SOS1: variants seen among roughly 807,000 people sequenced by gnomAD.
SOS1 encodes SOS Ras/Rac guanine nucleotide exchange factor 1, also known as son of sevenless homolog 1.
A neutral mutation model predicts 157.6 loss-of-function variants in SOS1; 25 were observed. The observed-to-expected ratio is 0.16, with a 90% confidence interval of 0.12 to 0.22. The LOEUF is 0.22. Among genes scored for constraint, SOS1 ranks in the 10% least tolerant of loss-of-function variants. The pLI is 1.00. For synonymous variants in SOS1, 528 were observed against 534.0 expected (o/e 0.99, Z 0.16); for missense variants, 1,237 against 1,599.1 (o/e 0.77, Z 3.86).
intron 10 of SOS1, among the ~76,000 whole-genome samples, chr2:39,015,675 C>A (rs574138981): frequency 3.3e-5 from 5 of 151,904 alleles, no homozygotes; most frequent in Admixed American, 2.6e-4. Context: ...GCTGCTCTCA[C>A]CAGCACAAGA....
intron 1 of SOS1, among the ~76,000 whole-genome samples, chr2:39,073,287 G>A (rs1671849980): frequency 6.6e-6 from 1 of 152,174 alleles, no homozygotes; most frequent in South Asian, 2.1e-4. Context: ...ACTAAACTAT[G>A]TGGGTTTTCC....
chr2:38,991,350 A>C (rs1417804019), intron 20 of SOS1, among the ~76,000 whole-genome samples: 3 of 152,236 alleles, frequency 2.0e-5, no homozygotes, highest in Non-Finnish European at 4.4e-5. Flanking sequence ...TTGCGTTATC[A>C]GCTTGACATA....
intron 6 of SOS1, among the ~76,000 whole-genome samples, chr2:39,042,497 G>A (rs1670605501): frequency 2.0e-5 from 3 of 152,014 alleles, no homozygotes; most frequent in African/African-American, 7.2e-5. Flanking sequence ...TCCGCCTCCT[G>A]GGTTCAAGTG....
intron 1 of SOS1, among the ~76,000 whole-genome samples, chr2:39,083,547 T>G (rs926008282): frequency 6.6e-6 from 1 of 152,128 alleles, no homozygotes; most frequent in Non-Finnish European, 1.5e-5. Context: ...TATAAGCAGT[T>G]GAGGAGTAGA....
chr2:38,987,291 A>G (rs1668585783), intron 22 of SOS1, among the ~76,000 whole-genome samples, 182 bp downstream of exon 22: 1 of 152,182 alleles, frequency 6.6e-6, no homozygotes, highest in Admixed American at 6.5e-5. Context: ...CATACCAAAA[A>G]ACTACCTTCA....
chr2:39,061,048 C>T (rs1671383378), intron 2 of SOS1, among the ~76,000 whole-genome samples: 1 of 151,680 alleles, frequency 6.6e-6, no homozygotes, highest in Admixed American at 6.6e-5. Flanking sequence ...ATTATGTCTA[C>T]CTCATTCCAG....
At chr2:39,101,265 G>C (rs920111066) in intron 1 of SOS1, among the ~76,000 whole-genome samples, 2 of 152,078 alleles carry the variant, frequency 1.3e-5, no homozygotes, top group Non-Finnish European at 2.9e-5. Context: ...CTGGGACAAG[G>C]ATGGTACCAA....
chr2:39,078,068 T>C (rs1301449275), intron 1 of SOS1, among the ~76,000 whole-genome samples: 1 of 152,176 alleles, frequency 6.6e-6, no homozygotes, highest in East Asian at 1.9e-4. Context: ...AACAAAGTTT[T>C]AATAAAAACA....
chr2:38,998,475 T>C (rs183671548), intron 17 of SOS1, among the ~76,000 whole-genome samples: 1 of 152,280 alleles, frequency 6.6e-6, no homozygotes, highest in East Asian at 1.9e-4. Flanking sequence ...GGTCTCAAAC[T>C]CCTGACCTCA....
At chr2:39,034,125 T>C (rs1268763240) in intron 8 of SOS1, among the ~76,000 whole-genome samples, 1 of 152,250 alleles carries the variant, frequency 6.6e-6, no homozygotes, top group African/African-American at 2.4e-5. Flanking sequence ...GGTATGCTAT[T>C]GCTAAGAGCT....
At chr2:39,043,796 A>G (rs1670659142) in intron 6 of SOS1, among the ~76,000 whole-genome samples, 1 of 152,126 alleles carries the variant, frequency 6.6e-6, no homozygotes, top group Admixed American at 6.5e-5. Flanking sequence ...TGATGACCTT[A>G]TCTAATCCTA....
At chr2:39,092,425 T>A (rs1269290792) in intron 1 of SOS1, among the ~76,000 whole-genome samples, 1 of 152,240 alleles carries the variant, frequency 6.6e-6, no homozygotes, top group Non-Finnish European at 1.5e-5. Context: ...TTCTCAAATG[T>A]CACCTCCTCA....
Position 39,062,196 on chromosome 2 carries a change from C to A in SOS1, c.214-3392G>T, listed in dbSNP as rs909375616. On this transcript the variant is annotated intron_variant, in intron 2 of 22. Coordinates refer to ENST00000402219, the MANE Select transcript of SOS1 (RefSeq NM_005633.4). ...ACTTTGGGAGGCGGAGGTGGGCGGA[C>A]TGCTTGAGGTCAGGAGTTCAAGACC... Among the ~76,000 whole-genome samples, 5 of 151,416 alleles carry A rather than the reference C, an allele frequency of 3.3e-5. 1 individual carries two copies. In the East Asian group the frequency reaches 9.7e-4, roughly 29 times the overall value.
chr2:39,012,094 T>A, intron 14 of SOS1, 32 bp downstream of exon 14: 1 of 1,458,280 alleles, frequency 6.9e-7, no homozygotes, highest in East Asian at 2.3e-5. Flanking sequence ...TCTTTTGAAA[T>A]GACTTTTCAA....
rs776522054 is a variant in SOS1 at position 38,982,370 on chromosome 2, AAGTT to A, written c.*3450_*3453del. The A allele has an allele frequency of 5.3e-5, 8 of 152,206 alleles. No individual in the cohort carries two copies. Among genetic ancestry groups the A allele is most frequent in the Non-Finnish European group, 8.8e-5 (6 of 68,022 alleles). The allele number at this position is 152,206 out of a possible 1,614,324, so 9.4% of individuals were successfully genotyped here. On this transcript the variant is annotated 3_prime_UTR_variant, in exon 23 of 23. Transcript: ENST00000402219. ...ATAAGGGATTATGAAATAATCTTAAAAGTTAGTAATGAGATGTTTCAAAGAAGAA... is the reference window on the plus strand; with the variant it reads ...ATAAGGGATTATGAAATAATCTTAAAAGTAATGAGATGTTTCAAAGAAGAA...
chr2:39,113,617 C>G (rs1367849043), intron 1 of SOS1, among the ~76,000 whole-genome samples: 1 of 152,060 alleles, frequency 6.6e-6, no homozygotes, highest in Non-Finnish European at 1.5e-5. Context: ...ACTTTCCAAA[C>G]CTTGATTTTC....
rs193024241 is a variant in SOS1 at position 39,101,322 on chromosome 2, G to C, written c.87+19014C>G. Among the ~76,000 whole-genome samples, 6 of 152,258 alleles carry C rather than the reference G, an allele frequency of 3.9e-5. No homozygotes were observed. The East Asian group carries it at 5.8e-4, about 15-fold the overall frequency. On this transcript the variant is annotated intron_variant, in intron 1 of 22. Transcript: ENST00000402219. The stretch of plus-strand genomic sequence containing the variant: ...CCATGACCCCGAACACTTCCCACCA[G>C]GCCCCCACTGTCTAACACTGAGACG...
At chr2:39,077,503 G>A (rs1349694284) in intron 1 of SOS1, among the ~76,000 whole-genome samples, 1 of 152,068 alleles carries the variant, frequency 6.6e-6, no homozygotes, top group Admixed American at 6.6e-5. Flanking sequence ...AAATTGAGAT[G>A]CTGATCCTAA....
intron 17 of SOS1, among the ~76,000 whole-genome samples, chr2:38,998,652 A>C (rs1245475302): frequency 6.6e-6 from 1 of 152,190 alleles, no homozygotes; most frequent in African/African-American, 2.4e-5. Flanking sequence ...GAAACAAATG[A>C]GTGAATATAT....
Sources: gnomAD v4.1 joint callset for allele counts (sites outside exome capture counted in the v4.1 genomes callset) on GRCh38, gnomAD v4.1.1 for gene constraint, MANE v1.5 for transcripts, NCBI Gene and HGNC (gene_info 2026-07-23, HGNC 2026-07-21) for gene names.